The following MTCL3 variants were observed in gnomAD, a reference collection of about 807,000 sequenced individuals.
MTCL3 encodes microtubule cross-linking factor 3.
chr6:127,513,727 G>A, the MTCL3 span, among the ~76,000 whole-genome samples: 1 of 152,142 alleles, frequency 6.6e-6, no homozygotes, highest in Non-Finnish European at 1.5e-5. Context: ...TGTGATTTTG[G>A]ACTGAGTGGA....
At chr6:127,491,453 T>C in the MTCL3 span, among the ~76,000 whole-genome samples, 1 of 152,356 alleles carries the variant, frequency 6.6e-6, no homozygotes, top group Non-Finnish European at 1.5e-5. Context: ...GCTAAGATGA[T>C]CCTTAGGATG....
the MTCL3 span, among the ~76,000 whole-genome samples, chr6:127,480,583 A>G: frequency 2.0e-5 from 3 of 152,234 alleles, no homozygotes; most frequent in Non-Finnish European, 4.4e-5. Context: ...GCATAGAAAA[A>G]GGAGACATGG....
At chr6:127,514,142 T>C in the MTCL3 span, among the ~76,000 whole-genome samples, 1 of 152,220 alleles carries the variant, frequency 6.6e-6, no homozygotes. Context: ...ACCACACCTG[T>C]CTAGAAAATG....
At chr6:127,516,293 G>C in the MTCL3 span, 10 of 1,550,558 alleles carry the variant, frequency 6.4e-6, no homozygotes, top group Non-Finnish European at 8.6e-6. Flanking sequence ...TTGGGCGCCA[G>C]GGGCGTCGCC....
At chr6:127,504,337 ATAAT>A in the MTCL3 span, among the ~76,000 whole-genome samples, 94 of 152,348 alleles carry the variant, frequency 6.2e-4, no homozygotes, top group African/African-American at 2.2e-3. Flanking sequence ...CTATTAGAAA[ATAAT>A]TAACTTGTGG....
At chr6:127,495,161 C>T in the MTCL3 span, among the ~76,000 whole-genome samples, 4 of 150,346 alleles carry the variant, frequency 2.7e-5, no homozygotes, top group South Asian at 8.4e-4. Context: ...CAAGCCCCTG[C>T]ACTCCAGCCT....
At chr6:127,475,660 A>C in the MTCL3 span, 1 of 1,592,536 alleles carries the variant, frequency 6.3e-7, no homozygotes. This position sits in a 1 kb window ranked among gnomAD's most constrained non-coding sequence, Gnocchi z 7.3. Flanking sequence ...GAGGCAGCGG[A>C]TGTTGCGCAC....
chr6:127,488,320 T>A, the MTCL3 span, among the ~76,000 whole-genome samples: 127 of 152,300 alleles, frequency 8.3e-4, no homozygotes, highest in Non-Finnish European at 1.7e-3. Context: ...TTCCTTGTCT[T>A]CCTAATTCTG....
chr6:127,473,538 C>G, the MTCL3 span: 2 of 524,242 alleles, frequency 3.8e-6, no homozygotes, highest in Non-Finnish European at 6.4e-6. Flanking sequence ...AATCTGAAAG[C>G]CTAATATACA....
the MTCL3 span, chr6:127,475,598 A>G: frequency 1.2e-6 from 2 of 1,603,696 alleles, no homozygotes; most frequent in Non-Finnish European, 8.5e-7. This position sits in a 1 kb window ranked among gnomAD's most constrained non-coding sequence, Gnocchi z 7.3. Flanking sequence ...TGCCGATCGG[A>G]GAAGCTCTTG....
At chr6:127,473,432 A>G in the MTCL3 span, 42 of 1,403,038 alleles carry the variant, frequency 3.0e-5, no homozygotes, top group Non-Finnish European at 2.8e-5. Context: ...GAGTTAATTA[A>G]TAATAATCTT....
At chr6:127,482,154 T>C in the MTCL3 span, among the ~76,000 whole-genome samples, 1 of 152,222 alleles carries the variant, frequency 6.6e-6, no homozygotes, top group African/African-American at 2.4e-5. The surrounding 1 kb of genome is among the most constrained non-coding windows in gnomAD (Gnocchi z 4.1). Flanking sequence ...TTTATTCCTT[T>C]ACTTTCCTAA....
At chr6:127,510,139 A>G in the MTCL3 span, among the ~76,000 whole-genome samples, 4 of 152,162 alleles carry the variant, frequency 2.6e-5, no homozygotes, top group Non-Finnish European at 4.4e-5. Flanking sequence ...TCCTAATAAA[A>G]GATTACTTTA....
At chr6:127,494,830 T>C in the MTCL3 span, among the ~76,000 whole-genome samples, 1 of 152,178 alleles carries the variant, frequency 6.6e-6, no homozygotes, top group Admixed American at 6.5e-5. Context: ...TATACTTGGT[T>C]GGCACCATGC....
the MTCL3 span, chr6:127,475,641 A>G: frequency 6.3e-7 from 1 of 1,596,544 alleles, no homozygotes; most frequent in African/African-American, 1.3e-5. This position sits in a 1 kb window ranked among gnomAD's most constrained non-coding sequence, Gnocchi z 7.3. Context: ...AGAAGGAGCG[A>G]GTGGGCGTGA....
chr6:127,496,235 T>A, the MTCL3 span, among the ~76,000 whole-genome samples: 1 of 152,224 alleles, frequency 6.6e-6, no homozygotes. Flanking sequence ...ATTTACCCTG[T>A]TCATATTGTT....
At chr6:127,482,055 T>C in the MTCL3 span, among the ~76,000 whole-genome samples, 1 of 152,202 alleles carries the variant, frequency 6.6e-6, no homozygotes, top group Admixed American at 6.5e-5. This position sits in a 1 kb window ranked among gnomAD's most constrained non-coding sequence, Gnocchi z 4.1. Flanking sequence ...GCATGAATAA[T>C]CCACCCCTTG....
chr6:127,484,263 G>A, the MTCL3 span, among the ~76,000 whole-genome samples: 1 of 152,114 alleles, frequency 6.6e-6, no homozygotes, highest in East Asian at 1.9e-4. Context: ...AGAAGGCAGG[G>A]GAATACTTTG....
the MTCL3 span, chr6:127,515,164 C>G: frequency 1.0e-6 from 1 of 954,598 alleles, no homozygotes; most frequent in Non-Finnish European, 1.6e-6. The surrounding 1 kb of genome is among the most constrained non-coding windows in gnomAD (Gnocchi z 4.3). Context: ...TCTCTCTCCA[C>G]GAGACAGGAG....
Sources: gnomAD v4.1 joint callset for allele counts (sites outside exome capture counted in the v4.1 genomes callset) on GRCh38, gnomAD v4.1.1 for gene constraint, Gnocchi (gnomAD v3.1) non-coding constraint, MANE v1.5 for transcripts, NCBI Gene and HGNC (gene_info 2026-07-23, HGNC 2026-07-21) for gene names.